Variants in DNAI7 observed in about 807,000 individuals in gnomAD.
DNAI7 encodes dynein axonemal intermediate chain 7.
A neutral mutation model predicts 86.6 loss-of-function variants in DNAI7; 78 were observed. The observed-to-expected ratio is 0.90, with a 90% CI of 0.75 to 1.09. The LOEUF is 1.09. Among genes scored for constraint, DNAI7 ranks in the 50% least tolerant of loss-of-function variants. The pLI is 0.00. For synonymous variants in DNAI7, 274 were observed against 273.0 expected, an observed-to-expected ratio of 1.00 and a Z score of -0.04; for missense variants, 753 against 810.2, an observed-to-expected ratio of 0.93 and a Z score of 0.86.
chr12:25,123,103 T>A, intron 10 of DNAI7, 108 bp downstream of exon 10: 1 of 706,038 alleles, frequency 1.4e-6, no homozygotes, highest in South Asian at 1.9e-5. Context: ...AATTTTCACT[T>A]TAAATATATT....
At chr12:25,180,969 G>A (rs1949444966) in intron 2 of DNAI7, among the ~76,000 whole-genome samples, 1 of 152,092 alleles carries the variant, frequency 6.6e-6, no homozygotes, top group Non-Finnish European at 1.5e-5. Flanking sequence ...ACCACGATCG[G>A]CTAATTTTTT....
Position 25,144,694 on chromosome 12 carries a change from A to T in DNAI7, c.690-17T>A. ...CTTCTGTGCCTGTTAATAATTAATT[A>T]CAACAAAAAAAGATGAGACCCTAGG... On this transcript the variant is annotated splice_polypyrimidine_tract_variant and intron_variant, in intron 8 of 15. Transcript: ENST00000395987. 6.3e-7 allele frequency: 1 copy of T among 1,583,986 alleles called. No individual in the cohort carries two copies. Among genetic ancestry groups the T allele is most frequent in the Non-Finnish European group, 8.6e-7 (1 of 1,162,988 alleles).
intron 9 of DNAI7, among the ~76,000 whole-genome samples, chr12:25,142,865 T>A (rs533099757): frequency 1.8e-4 from 28 of 152,264 alleles, no homozygotes; most frequent in African/African-American, 6.7e-4. Flanking sequence ...TCTAATCACA[T>A]CTTATTAGCT....
At chr12:25,156,066 C>T (rs1177195270) in intron 4 of DNAI7, among the ~76,000 whole-genome samples, 2 of 151,672 alleles carry the variant, frequency 1.3e-5, no homozygotes, top group Non-Finnish European at 2.9e-5. Context: ...ATCGCGCAAC[C>T]GCACTCCAGC....
chr12:25,149,673 C>A lies in DNAI7; in HGVS notation c.540G>T (p.Glu180Asp), dbSNP rs767472106. The change falls in exon 7 of 16, where the codon GAG becomes GAT. Residue 180 changes from glutamate to aspartate, a missense_variant. Glu to Asp is a conservative substitution (Grantham distance 45). Transcript: ENST00000395987. The stretch of plus-strand genomic sequence containing the variant: ...CTACACCGAATTTAAGATGAAGGAG[C>A]TCCTGCAGTTGTAGTATTGATTCTT... Reference protein sequence around the residue: ...QYQESILQLQELLHLKFGVAT... With the variant: ...QYQESILQLQDLLHLKFGVAT... 3 of 1,606,190 alleles carry A rather than the reference C, an allele frequency of 1.9e-6. No homozygotes were observed. The African/African-American group carries it at 4.0e-5, about 22-fold the overall frequency.
intron 12 of DNAI7, among the ~76,000 whole-genome samples, chr12:25,118,172 A>G (rs1193727123): frequency 1.3e-5 from 2 of 151,936 alleles, no homozygotes; most frequent in Non-Finnish European, 2.9e-5. Context: ...ACCTCAGGTG[A>G]TACGCCCGCC....
intron 14 of DNAI7, among the ~76,000 whole-genome samples, chr12:25,110,592 T>C (rs1949747577): frequency 6.6e-6 from 1 of 152,154 alleles, no homozygotes; most frequent in Non-Finnish European, 1.5e-5. Context: ...CTCGGGGCTC[T>C]TGCTCCAGTT....
chr12:25,166,490 T>A (rs975169559), intron 2 of DNAI7, among the ~76,000 whole-genome samples: 1 of 152,156 alleles, frequency 6.6e-6, no homozygotes, highest in African/African-American at 2.4e-5. Flanking sequence ...TTCAGCAAAT[T>A]ACCTGGGCTA....
rs1262021547 is a variant in DNAI7 at position 25,127,361 on chromosome 12, C to T, written c.1003-4075G>A. Among the ~76,000 whole-genome samples, 12 of 152,136 alleles carry T rather than the reference C, an allele frequency of 7.9e-5. 1 individual carries two copies. Among genetic ancestry groups the T allele is most frequent in the Admixed American group, 7.9e-4 (12 of 15,266 alleles). On this transcript the variant is annotated intron_variant, in intron 9 of 15. Transcript: ENST00000395987. ...AAAAATACTTCTTTATTCCTATTTT[C>T]ATCATGTTTTATATCTGGTAATGAT... is the stretch of plus-strand genomic sequence containing the variant.
chr12:25,150,201 T>C (rs1945328193), intron 6 of DNAI7, among the ~76,000 whole-genome samples: 1 of 152,198 alleles, frequency 6.6e-6, no homozygotes, highest in Non-Finnish European at 1.5e-5. Flanking sequence ...GAGGAACACA[T>C]AATTGTCCCA....
rs1233481585 is a variant in DNAI7 at position 25,142,318 on chromosome 12, T to C, written c.1002+2047A>G. On this transcript the variant is annotated intron_variant, in intron 9 of 15. Coordinates refer to ENST00000395987, the MANE Select transcript of DNAI7 (RefSeq NM_018272.5). ...CTATGAGGATGCAAATGCATAAGAA[T>C]GATACAATGGACTTTGGGGACTCAA... Among the ~76,000 whole-genome samples, 5 of 151,096 alleles carry C rather than the reference T, an allele frequency of 3.3e-5. No individual in the cohort carries two copies. In the East Asian group the frequency reaches 7.8e-4, roughly 23 times the overall value.
chr12:25,185,835 C>G lies in DNAI7; in HGVS notation c.21+4779G>C, dbSNP rs772973153. ...TACAGACTATAGCAATAAGCACCCC[C>G]CTTTTGCCCATTCATTACAGTCCCA... On this transcript the variant is annotated intron_variant, in intron 2 of 15. Transcript: ENST00000395987. 7 of 765,592 alleles carry G rather than the reference C, an allele frequency of 9.1e-6. No homozygotes were observed. In the East Asian group the frequency reaches 5.2e-4, roughly 56 times the overall value. 47.4% of individuals were successfully genotyped at this position (765,592 alleles called of 1,614,324 possible). A position where few individuals can be genotyped will look rare whatever the true frequency, so the allele number is the denominator to read the frequency against.
intron 11 of DNAI7, among the ~76,000 whole-genome samples, chr12:25,120,317 G>A (rs4963851): frequency 7.4e-5 from 6 of 80,808 alleles, no homozygotes; most frequent in Admixed American, 1.6e-4. Context: ...GCAGGAAGAG[G>A]GAGAGAGAGA....
At chr12:25,123,150 A>T in intron 10 of DNAI7, 61 bp downstream of exon 10, 1 of 1,102,616 alleles carries the variant, frequency 9.1e-7, no homozygotes. Flanking sequence ...ATGATCCTGT[A>T]TTTCTTCTGT....
intron 9 of DNAI7, among the ~76,000 whole-genome samples, chr12:25,139,812 C>T (rs952580616): frequency 1.3e-5 from 2 of 152,030 alleles, no homozygotes; most frequent in Admixed American, 6.6e-5. Context: ...CAAACCTGCA[C>T]GTTCTGCACA....
intron 2 of DNAI7, among the ~76,000 whole-genome samples, chr12:25,175,941 A>G (rs896791287): frequency 2.2e-4 from 34 of 151,852 alleles, no homozygotes; most frequent in Non-Finnish European, 4.1e-4. Context: ...TTAGCCGGGT[A>G]TGGTGGCAGG....
intron 9 of DNAI7, among the ~76,000 whole-genome samples, chr12:25,134,708 TTCA>T (rs1461924416): frequency 6.6e-6 from 1 of 152,108 alleles, no homozygotes; most frequent in African/African-American, 2.4e-5. Flanking sequence ...CATATCTTTA[TTCA>T]TCATTATAAC....
At chr12:25,150,596 T>C (rs1423757371) in intron 6 of DNAI7, among the ~76,000 whole-genome samples, 4 of 73,118 alleles carry the variant, frequency 5.5e-5, no homozygotes, top group Non-Finnish European at 7.7e-5. Context: ...AGTGAGACTC[T>C]GTCTCAAAAA....
intron 9 of DNAI7, among the ~76,000 whole-genome samples, chr12:25,143,284 T>C (rs1592379797): frequency 6.6e-6 from 1 of 150,566 alleles, no homozygotes. Context: ...AGTCTCACTC[T>C]GTCACCCAGG....
Sources: allele counts gnomAD v4.1 joint callset (sites outside exome capture counted in the v4.1 genomes callset), GRCh38; gene constraint gnomAD v4.1.1; transcripts MANE v1.5; gene names NCBI Gene and HGNC (gene_info 2026-07-23, HGNC 2026-07-21).